MACROD2: variants seen among roughly 807,000 people sequenced by gnomAD.
The protein encoded by MACROD2 is mono-ADP ribosylhydrolase 2.
In MACROD2, 36 loss-of-function variants were observed where a neutral mutation model predicts 70.4. The ratio of observed to expected loss-of-function variants is 0.51; its 90% confidence interval spans 0.39 to 0.68. The LOEUF is 0.68. Ranked by LOEUF, MACROD2 falls within the 30% of genes least tolerant of loss-of-function variation. The pLI is 0.00. For synonymous variants in MACROD2, 172 were observed against 178.8 expected (o/e 0.96, Z 0.30); for missense variants, 496 against 538.4 (o/e 0.92, Z 0.78).
chr20:15,916,284 C>T (rs75755229), intron 10 of MACROD2, among the ~76,000 whole-genome samples: 3,480 of 152,208 alleles, frequency 0.023, 72 homozygotes, highest in African/African-American at 0.051. Flanking sequence ...ATAGAGGATG[C>T]GTGTCCTCAT....
chr20:14,145,201 T>C (rs374573212), intron 3 of MACROD2, among the ~76,000 whole-genome samples: 5 of 152,316 alleles, frequency 3.3e-5, no homozygotes, highest in Admixed American at 2.0e-4. Flanking sequence ...CAAAGGTGAA[T>C]AGATTTGTTT....
At chr20:15,219,091 A>G (rs1192566047) in intron 5 of MACROD2, among the ~76,000 whole-genome samples, 1 of 152,248 alleles carries the variant, frequency 6.6e-6, no homozygotes, top group Non-Finnish European at 1.5e-5. Context: ...AATTGGTGAC[A>G]TACCAGTTCA....
intron 5 of MACROD2, among the ~76,000 whole-genome samples, chr20:14,866,290 CA>C (rs1386918680): frequency 1.3e-5 from 2 of 152,030 alleles, no homozygotes. Flanking sequence ...GCTATCAGAG[CA>C]AAACTCAGGT....
intron 8 of MACROD2, among the ~76,000 whole-genome samples, chr20:15,823,744 T>G (rs2063966863): frequency 6.6e-6 from 1 of 152,200 alleles, no homozygotes; most frequent in Non-Finnish European, 1.5e-5. Context: ...TGGTCAAATG[T>G]ACATATGGCT....
intron 4 of MACROD2, among the ~76,000 whole-genome samples, chr20:14,589,012 G>C (rs1488850040): frequency 6.6e-6 from 1 of 152,022 alleles, no homozygotes; most frequent in Admixed American, 6.6e-5. Context: ...TTTTAGTTTA[G>C]TCACATTATC....
rs1303989927 is a variant in MACROD2 at position 15,206,861 on chromosome 20, C to T, written c.419-23079C>T. On this transcript the variant is annotated intron_variant, in intron 5 of 17. Transcript: ENST00000684519. ...ACGCCATTCTCCTGCCTCAGCCTCC[C>T]GAGTAGCTGGGACTACAGGCGCCCG... Among the ~76,000 whole-genome samples the T allele has an allele frequency of 6.0e-5, 9 of 150,710 alleles. 1 individual carries two copies. Among genetic ancestry groups the T allele is most frequent in the African/African-American group, 2.0e-4 (8 of 40,866 alleles).
intron 2 of MACROD2, among the ~76,000 whole-genome samples, chr20:14,003,208 A>C (rs767789471): frequency 4.6e-5 from 7 of 151,818 alleles, no homozygotes; most frequent in Non-Finnish European, 8.8e-5. Flanking sequence ...ACCGGGTACT[A>C]TGGGCCCAGA....
intron 8 of MACROD2, among the ~76,000 whole-genome samples, chr20:15,636,071 C>CAAAAAAAAAAAAAAAAA (rs1178846767): frequency 8.6e-4 from 24 of 27,884 alleles, no homozygotes; most frequent in East Asian, 2.4e-3. Context: ...GGCTCCCTCT[C>CAAAAAAAAAAAAAAAAA]AAAAGAAAAA....
chr20:15,663,525 C>T (rs894094929), intron 8 of MACROD2, among the ~76,000 whole-genome samples: 1 of 151,860 alleles, frequency 6.6e-6, no homozygotes, highest in African/African-American at 2.4e-5. Flanking sequence ...CATGAGCCAT[C>T]GTGCCTCGCC....
chr20:15,540,136 G>T (rs2047936026), intron 8 of MACROD2, among the ~76,000 whole-genome samples: 1 of 152,210 alleles, frequency 6.6e-6, no homozygotes, highest in Non-Finnish European at 1.5e-5. Flanking sequence ...GACCATGGTT[G>T]CTCAGATAAT....
chr20:15,694,467 T>C (rs1315065939), intron 8 of MACROD2, among the ~76,000 whole-genome samples: 1 of 152,244 alleles, frequency 6.6e-6, no homozygotes, highest in Non-Finnish European at 1.5e-5. Context: ...TGATCATTAG[T>C]GATGTTGAGC....
chr20:15,891,589 A>C (rs183425772), intron 10 of MACROD2, among the ~76,000 whole-genome samples: 1 of 152,334 alleles, frequency 6.6e-6, no homozygotes, highest in East Asian at 1.9e-4. Context: ...TGAACACAGT[A>C]GATGAATATG....
intron 2 of MACROD2, among the ~76,000 whole-genome samples, chr20:14,044,077 G>A (rs2053431706): frequency 6.6e-6 from 1 of 152,194 alleles, no homozygotes; most frequent in Non-Finnish European, 1.5e-5. Context: ...ACAGACCCTC[G>A]CGGTGAGTGT....
chr20:14,686,824 T>C (rs2071008272), intron 5 of MACROD2, among the ~76,000 whole-genome samples: 1 of 152,210 alleles, frequency 6.6e-6, no homozygotes, highest in Admixed American at 6.5e-5. Context: ...ATTTTTCCTT[T>C]AATGATTTTT....
chr20:14,548,505 T>A, intron 4 of MACROD2, among the ~76,000 whole-genome samples: 1 of 15,350 alleles, frequency 6.5e-5, no homozygotes. Context: ...GATCACGAGG[T>A]CAGGAGATCG....
chr20:14,110,535 G>T (rs886687106), intron 3 of MACROD2, among the ~76,000 whole-genome samples: 1 of 151,908 alleles, frequency 6.6e-6, no homozygotes, highest in Non-Finnish European at 1.5e-5. Flanking sequence ...CAGTAAAGTT[G>T]CAGGATACAA....
intron 3 of MACROD2, among the ~76,000 whole-genome samples, chr20:14,225,731 T>C (rs1601370353): frequency 6.6e-6 from 1 of 152,242 alleles, no homozygotes; most frequent in South Asian, 2.1e-4. Flanking sequence ...CATATGGATA[T>C]TGATTTCAAT....
chr20:14,939,663 G>C (rs903936674), intron 5 of MACROD2, among the ~76,000 whole-genome samples: 6 of 152,044 alleles, frequency 3.9e-5, no homozygotes, highest in Non-Finnish European at 7.4e-5. Context: ...CATTGAATCT[G>C]TAAAATTGCT....
intron 8 of MACROD2, among the ~76,000 whole-genome samples, chr20:15,638,701 G>GCT (rs1347594731): frequency 2.6e-5 from 4 of 152,302 alleles, no homozygotes; most frequent in Non-Finnish European, 5.9e-5. Flanking sequence ...TCATATGATA[G>GCT]TAGAGCATTA....
Sources: allele counts gnomAD v4.1 joint callset (sites outside exome capture counted in the v4.1 genomes callset), GRCh38; gene constraint gnomAD v4.1.1; transcripts MANE v1.5; gene names NCBI Gene and HGNC (gene_info 2026-07-23, HGNC 2026-07-21).